SUPV3L1: variants seen among roughly 807,000 people sequenced by gnomAD.
The protein encoded by SUPV3L1 is ATP-dependent RNA helicase SUPV3L1, mitochondrial.
Under a neutral mutation model 70.0 loss-of-function variants are expected in SUPV3L1, and 35 were observed. The ratio of observed to expected loss-of-function variants is 0.50; its 90% confidence interval spans 0.38 to 0.66. SUPV3L1 has a LOEUF of 0.66. Ranked by LOEUF, SUPV3L1 falls within the 30% of genes least tolerant of loss-of-function variation. The probability of loss-of-function intolerance (pLI) is 0.00; values close to 1 mark genes in which losing one functional copy is unlikely to be tolerated. For missense variants in SUPV3L1, 777 were observed against 961.5 expected, an observed-to-expected ratio of 0.81 and a Z score of 2.54; for synonymous variants, 364 against 341.9, an observed-to-expected ratio of 1.06 and a Z score of -0.71.
At chr10:69,205,547 T>G (rs1438214539) in intron 13 of SUPV3L1, among the ~76,000 whole-genome samples, 1 of 152,152 alleles carries the variant, frequency 6.6e-6, no homozygotes, top group Non-Finnish European at 1.5e-5. Context: ...GTGTGTTTTC[T>G]TTTTGAGATG....
At chr10:69,181,336 T>C (rs1184586994) in intron 1 of SUPV3L1, among the ~76,000 whole-genome samples, 1 of 152,188 alleles carries the variant, frequency 6.6e-6, no homozygotes, top group African/African-American at 2.4e-5. Context: ...CTATCCAGAA[T>C]TGTCTCCAGG....
At position 69,204,637 on chromosome 10, in the gene SUPV3L1, A is replaced by G. The variant is rs1589390989; in HGVS notation, c.1776+1594A>G. On this transcript the variant is annotated intron_variant, in intron 13 of 14. Coordinates refer to ENST00000359655, the MANE Select transcript of SUPV3L1 (RefSeq NM_003171.5). The stretch of plus-strand genomic sequence containing the variant: ...ATAGCTTAAATGTGGCTCCCTCCCC[A>G]ATCTTAGTCCTCTGAAATAACTACT... 2.0e-5 allele frequency among the ~76,000 whole-genome samples: 3 copies of G among 152,218 alleles called. No homozygotes were observed. The East Asian group carries it at 5.8e-4, about 29-fold the overall frequency.
rs149371276 is a variant in SUPV3L1, at chr10:69,208,729, G to A, written c.2055G>A (p.Leu685=). 508 of 1,614,190 alleles carry A rather than the reference G, an allele frequency of 3.1e-4. No individual in the cohort carries two copies. The highest frequency in any genetic ancestry group is 3.0e-3 in the African/African-American group (225 of 75,032). ...TTAAAATGTCTGAGACGCATAAGCT[G>A]TTGAATTTGGAGGGCTTTCCATCAG... ...KLIKMSETHK[L]LNLEGFPSGS... The change falls in exon 15 of 15, where the codon CTG becomes CTA. Residue 685 remains leucine, a synonymous_variant. Coordinates refer to ENST00000359655, the MANE Select transcript of SUPV3L1 (RefSeq NM_003171.5).
In SUPV3L1 at chr10:69,191,651, C is replaced by G; in HGVS notation, c.742-4C>G. ...TAATTCTAGTTTTTTTTCTGTCTTT[C>G]TAGGGTGTGCCATGTGACTTGGTGA... is the stretch of plus-strand genomic sequence containing the variant. On this transcript the variant is annotated splice_region_variant and splice_polypyrimidine_tract_variant and intron_variant, in intron 5 of 14. Transcript: ENST00000359655. 6.2e-7 allele frequency: 1 copy of G among 1,611,756 alleles called. No individual in the cohort carries two copies. The highest frequency in any genetic ancestry group is 8.5e-7 in the Non-Finnish European group (1 of 1,178,358).
intron 2 of SUPV3L1, 113 bp from the exon 3 acceptor site, chr10:69,186,330 A>G (rs1456153277): frequency 3.7e-5 from 24 of 655,200 alleles, no homozygotes; most frequent in African/African-American, 3.0e-4. Flanking sequence ...ACTGCCAAAA[A>G]AAAAAAAAAA....
intron 10 of SUPV3L1, 128 bp from the exon 11 acceptor site, chr10:69,200,152 T>A (rs1454505053): frequency 4.1e-6 from 3 of 726,172 alleles, no homozygotes; most frequent in Non-Finnish European, 6.7e-6. Context: ...AGACTTTCCT[T>A]AATTTTGTAA....
chr10:69,186,328 AAAAAAAAAAAAAAAAAG>A lies in SUPV3L1; in HGVS notation c.350-105_350-89del, dbSNP rs1842229497. The A allele has an allele frequency of 2.0e-5, 11 of 563,406 alleles. No homozygotes were observed. The South Asian group carries it at 2.5e-4, about 13-fold the overall frequency. 34.9% of individuals were successfully genotyped at this position (563,406 alleles called of 1,614,324 possible). On this transcript the variant is annotated intron_variant, in intron 2 of 14. Coordinates refer to ENST00000359655, the MANE Select transcript of SUPV3L1 (RefSeq NM_003171.5). ...CATAATAAACCAGCTGTACTGCCAA[AAAAAAAAAAAAAAAAAG>A]AAAAAAAAAGACTCTTTGATGAGTT...
intron 6 of SUPV3L1, among the ~76,000 whole-genome samples, chr10:69,194,861 A>G (rs1469680981): frequency 6.7e-6 from 1 of 148,916 alleles, no homozygotes; most frequent in Non-Finnish European, 1.5e-5. Flanking sequence ...AAAAGAGTAT[A>G]GACTTTGGAG....
In SUPV3L1 at chr10:69,191,098, A is replaced by C. The variant is rs10998630; in HGVS notation, c.742-557A>C. Among the ~76,000 whole-genome samples, 362 of 152,324 alleles carry C rather than the reference A, an allele frequency of 2.4e-3. 4 individuals carry two copies. Among genetic ancestry groups the C allele is most frequent in the African/African-American group, 8.3e-3 (343 of 41,566 alleles). ...GAGATGTACAAAGTTAAAATGTGAA[A>C]CTGCTGCAGTGTCTCATGCTTTTGT... On this transcript the variant is annotated intron_variant, in intron 5 of 14. Coordinates refer to ENST00000359655, the MANE Select transcript of SUPV3L1 (RefSeq NM_003171.5).
At chr10:69,205,309 A>G (rs973483248) in intron 13 of SUPV3L1, among the ~76,000 whole-genome samples, 1 of 152,204 alleles carries the variant, frequency 6.6e-6, no homozygotes, top group African/African-American at 2.4e-5. Context: ...CCATCCTTTA[A>G]ACAGCTATTC....
intron 10 of SUPV3L1, among the ~76,000 whole-genome samples, chr10:69,200,055 A>G (rs1040816992): frequency 3.3e-5 from 5 of 151,698 alleles, no homozygotes. Flanking sequence ...TATGTTGCCC[A>G]GGCTGGTTTT....
chr10:69,207,002 G>A (rs569948826), intron 13 of SUPV3L1, among the ~76,000 whole-genome samples: 6 of 151,980 alleles, frequency 3.9e-5, no homozygotes, highest in South Asian at 4.1e-4. Context: ...GCGAGACTCC[G>A]TCTCAAAAAA....
Position 69,208,750 on chromosome 10 carries a change from A to G in SUPV3L1, c.2076A>G (p.Pro692=). 1 of 1,614,208 alleles carries G rather than the reference A, an allele frequency of 6.2e-7. No individual in the cohort carries two copies. Among genetic ancestry groups the G allele is most frequent in the Non-Finnish European group, 8.5e-7 (1 of 1,180,032 alleles). The change falls in exon 15 of 15, where the codon CCA becomes CCG. Residue 692 remains proline (P), a synonymous_variant. Coordinates refer to ENST00000359655, the MANE Select transcript of SUPV3L1 (RefSeq NM_003171.5). The part of the protein sequence containing the change: ...THKLLNLEGF[P]SGSQSRLSGT... ...AGCTGTTGAATTTGGAGGGCTTTCC[A>G]TCAGGGAGCCAGTCACGATTGTCAG...
rs774856976 is a variant in SUPV3L1, at chr10:69,180,350, A to G, written c.59A>G (p.His20Arg). Residue 20 changes from histidine (H) to arginine (R), a missense_variant, in exon 1 of 15, where the codon CAC (histidine) becomes CGC (arginine). Physicochemically the swap from His to Arg is conservative, Grantham distance 29 (BLOSUM62 0). Coordinates refer to ENST00000359655, the MANE Select transcript of SUPV3L1 (RefSeq NM_003171.5). ...CTCCCGGCGGGGCGCCAGGCTGGCCACCGGGCAGCCATCTGCTCTGCCCTT... is the reference window on the plus strand; with the variant it reads ...CTCCCGGCGGGGCGCCAGGCTGGCCGCCGGGCAGCCATCTGCTCTGCCCTT... ...ARLPAGRQAG[H>R]RAAICSALRP... 6 of 1,613,986 alleles carry G rather than the reference A, an allele frequency of 3.7e-6. No individual in the cohort carries two copies. The highest frequency in any genetic ancestry group is 1.6e-4 in the Middle Eastern group (1 of 6,084).
intron 7 of SUPV3L1, among the ~76,000 whole-genome samples, chr10:69,196,516 A>G (rs1031584676): frequency 6.6e-6 from 1 of 152,054 alleles, no homozygotes; most frequent in Non-Finnish European, 1.5e-5. Flanking sequence ...AAAAAAAAAA[A>G]AGGCTGAACT....
intron 6 of SUPV3L1, among the ~76,000 whole-genome samples, chr10:69,193,608 C>T (rs1180787270): frequency 1.3e-5 from 2 of 152,130 alleles, no homozygotes; most frequent in East Asian, 1.9e-4. Context: ...AGAGGTCTCA[C>T]TTTGTTGCCC....
rs1221039347 is a variant in SUPV3L1, at chr10:69,187,676, A to G, written c.492A>G (p.Arg164=). The part of the protein sequence containing the change: ...HADDLFPFFL[R]HAKQIFPVLD... ...ATGATTTATTCCCATTTTTCTTGAG[A>G]CATGCCAAACAAATATTTCCTGTGT... The change falls in exon 4 of 15, where the codon AGA becomes AGG. Residue 164 remains arginine, a synonymous_variant. Coordinates refer to ENST00000359655, the MANE Select transcript of SUPV3L1 (RefSeq NM_003171.5). The G allele has an allele frequency of 6.2e-7, 1 of 1,612,998 alleles. No homozygotes were observed. Among genetic ancestry groups the G allele is most frequent in the South Asian group, 1.1e-5 (1 of 90,714 alleles).
intron 5 of SUPV3L1, among the ~76,000 whole-genome samples, chr10:69,191,373 T>A (rs1323385506): frequency 6.6e-6 from 1 of 151,556 alleles, no homozygotes. Flanking sequence ...GGACCACAGG[T>A]GTGCAACACC....
At chr10:69,192,596 T>C (rs1262761980) in intron 6 of SUPV3L1, 1 of 152,274 alleles carries the variant, frequency 6.6e-6, no homozygotes, top group African/African-American at 2.4e-5. Flanking sequence ...TGTTTTATAG[T>C]ATTCCATCTT....
Sources: allele counts gnomAD v4.1 joint callset (sites outside exome capture counted in the v4.1 genomes callset), GRCh38; gene constraint gnomAD v4.1.1; transcripts MANE v1.5; gene names NCBI Gene and HGNC (gene_info 2026-07-23, HGNC 2026-07-21).